The following ZNF346 variants were observed in gnomAD, a reference collection of about 807,000 sequenced individuals.
ZNF346 encodes the protein double-stranded RNA-binding zinc finger protein JAZ.
Under a neutral mutation model 33.7 loss-of-function variants are expected in ZNF346, and 23 were observed. The ratio of observed to expected loss-of-function variants is 0.68; its 90% CI spans 0.49 to 0.97. The LOEUF is 0.97. Ranked by LOEUF, ZNF346 falls within the 50% of genes least tolerant of loss-of-function variation. The probability of loss-of-function intolerance (pLI) is 0.00; values close to 1 mark genes in which losing one functional copy is unlikely to be tolerated. For synonymous variants in ZNF346, 134 were observed against 142.4 expected (o/e 0.94, Z 0.42); for missense variants, 340 against 371.1 (o/e 0.92, Z 0.69).
chr5:177,023,836 C>T (rs2456181), intron 1 of ZNF346, among the ~76,000 whole-genome samples: 6 of 151,768 alleles, frequency 4.0e-5, no homozygotes, highest in Admixed American at 1.3e-4. Context: ...GACTTGTCTT[C>T]GAAAGTTTAA....
At chr5:177,074,390 C>T (rs953802941) in intron 8 of ZNF346, among the ~76,000 whole-genome samples, 1 of 152,214 alleles carries the variant, frequency 6.6e-6, no homozygotes, top group African/African-American at 2.4e-5. Flanking sequence ...TAGTGGCCTT[C>T]TTTGTCACTT....
chr5:177,044,571 T>G (rs748386547), intron 4 of ZNF346, 38 bp downstream of exon 4: 1 of 1,609,224 alleles, frequency 6.2e-7, no homozygotes, highest in East Asian at 2.2e-5. Context: ...GTGGGACCCC[T>G]GCCGTCCTCA....
chr5:177,029,686 G>T (rs895253451), intron 1 of ZNF346, among the ~76,000 whole-genome samples: 4 of 152,206 alleles, frequency 2.6e-5, no homozygotes, highest in Non-Finnish European at 5.9e-5. Context: ...ACAAGTAGGC[G>T]GTTTGACCTT....
In ZNF346 at chr5:177,066,599, G is replaced by A. The variant is rs1037732647; in HGVS notation, c.*2000G>A. 3.3e-5 allele frequency among the ~76,000 whole-genome samples: 5 copies of A among 151,994 alleles called. No homozygotes were observed. The highest frequency in any genetic ancestry group is 1.2e-4 in the African/African-American group (5 of 41,370). ...AAGGAGTGTTATGGCCAGGTGCGGC[G>A]TCATGCACCTATAGTCCCAGCTGCT... On this transcript the variant is annotated 3_prime_UTR_variant, in exon 7 of 7. Coordinates refer to ENST00000358149, the MANE Select transcript of ZNF346 (RefSeq NM_012279.4).
chr5:177,078,096 G>A (rs1472435887), intron 8 of ZNF346, among the ~76,000 whole-genome samples: 1 of 152,156 alleles, frequency 6.6e-6, no homozygotes, highest in East Asian at 1.9e-4. Flanking sequence ...GCAGTGAGCT[G>A]AGATTGCACC....
chr5:177,034,744 A>G (rs1327155531), intron 1 of ZNF346, among the ~76,000 whole-genome samples: 2 of 152,264 alleles, frequency 1.3e-5, no homozygotes, highest in African/African-American at 4.8e-5. Flanking sequence ...GAAATGCAGT[A>G]AAGACCATAC....
intron 5 of ZNF346, among the ~76,000 whole-genome samples, chr5:177,060,666 G>A (rs1204456024): frequency 6.6e-6 from 1 of 152,118 alleles, no homozygotes; most frequent in Non-Finnish European, 1.5e-5. Context: ...AGAAAAATTA[G>A]GCATGGTGGC....
intron 5 of ZNF346, among the ~76,000 whole-genome samples, chr5:177,053,961 G>T (rs1781321852): frequency 6.6e-6 from 1 of 152,148 alleles, no homozygotes; most frequent in Admixed American, 6.5e-5. Context: ...ACAGTGTGGT[G>T]AACAAAGGGA....
chr5:177,080,970 C>A (rs374596696), exon 9 of ZNF346: 1 of 152,016 alleles, frequency 6.6e-6, no homozygotes, highest in African/African-American at 2.4e-5. Context: ...AGGCCAGGTG[C>A]GGTGGCTCAA....
intron 3 of ZNF346, among the ~76,000 whole-genome samples, chr5:177,043,607 A>T (rs1194322566): frequency 1.3e-5 from 2 of 152,148 alleles, no homozygotes; most frequent in African/African-American, 4.8e-5. Flanking sequence ...CTCTATAAAA[A>T]ATACAAAAAT....
chr5:177,073,872 T>C (rs1783623418), intron 8 of ZNF346, among the ~76,000 whole-genome samples: 1 of 152,010 alleles, frequency 6.6e-6, no homozygotes, highest in Admixed American at 6.6e-5. Flanking sequence ...GAACTAGTCT[T>C]GTGAGTTGCT....
intron 5 of ZNF346, among the ~76,000 whole-genome samples, chr5:177,058,602 A>G (rs1380524219): frequency 1.3e-5 from 2 of 152,190 alleles, no homozygotes; most frequent in Admixed American, 6.5e-5. Context: ...TGACCACTTC[A>G]CAAATAAAGA....
Position 177,066,105 on chromosome 5 carries a change from G to A in ZNF346, c.*1506G>A, listed in dbSNP as rs59157655. 0.13 allele frequency: 18,602 copies of A among 147,778 alleles called. 2,808 individuals are homozygous for A. The highest frequency in any genetic ancestry group is 0.36 in the African/African-American group (14,281 of 39,334). The allele number at this position is 147,778 out of a possible 1,614,324, so 9.2% of individuals were successfully genotyped here. A position where few individuals can be genotyped will look rare whatever the true frequency, so the allele number is the denominator to read the frequency against. Reference sequence around the variant, plus strand: ...TCACTTTAGGAGTTGGGACAGAGTCGAGCACCCTGTGAAAGTCTCCCTTGA... The same window carrying A: ...TCACTTTAGGAGTTGGGACAGAGTCAAGCACCCTGTGAAAGTCTCCCTTGA... On this transcript the variant is annotated 3_prime_UTR_variant, in exon 7 of 7. Coordinates refer to ENST00000358149, the MANE Select transcript of ZNF346 (RefSeq NM_012279.4).
intron 1 of ZNF346, among the ~76,000 whole-genome samples, chr5:177,025,238 C>T (rs1581767362): frequency 6.6e-6 from 1 of 152,154 alleles, no homozygotes; most frequent in Admixed American, 6.6e-5. Flanking sequence ...TGTATTAGTA[C>T]TTCATTCCTT....
chr5:177,023,203 C>A lies in ZNF346; in HGVS notation c.175+290C>A, dbSNP rs544112812. On this transcript the variant is annotated intron_variant, in intron 1 of 6. Transcript: ENST00000358149. Reference sequence around the variant, plus strand: ...CGAGGACTGTCATCCCTATACTCGTCCTGTCGGAGACCTACAGTCTTTGCC... The same window carrying A: ...CGAGGACTGTCATCCCTATACTCGTACTGTCGGAGACCTACAGTCTTTGCC... 13 of 1,536,676 alleles carry A rather than the reference C, an allele frequency of 8.5e-6. No homozygotes were observed. The South Asian group carries it at 1.3e-4, about 15-fold the overall frequency.
chr5:177,048,945 C>G (rs1344659419), intron 4 of ZNF346, among the ~76,000 whole-genome samples: 1 of 151,842 alleles, frequency 6.6e-6, no homozygotes, highest in East Asian at 1.9e-4. Flanking sequence ...CTACCACACC[C>G]AGCTAATTTT....
At chr5:177,029,822 C>T (rs1777406903) in intron 1 of ZNF346, among the ~76,000 whole-genome samples, 2 of 152,100 alleles carry the variant, frequency 1.3e-5, no homozygotes, top group South Asian at 2.1e-4. Flanking sequence ...ATGGAAACCT[C>T]GATTTATAGC....
At chr5:177,054,798 C>G (rs1280912709) in intron 5 of ZNF346, among the ~76,000 whole-genome samples, 1 of 152,058 alleles carries the variant, frequency 6.6e-6, no homozygotes, top group East Asian at 1.9e-4. Flanking sequence ...GGTGGCGGGA[C>G]TACTGTAATG....
chr5:177,024,029 CAG>C (rs1247223530), intron 1 of ZNF346, among the ~76,000 whole-genome samples: 1 of 148,142 alleles, frequency 6.8e-6, no homozygotes, highest in Non-Finnish European at 1.5e-5. Context: ...AAGAAGGAGA[CAG>C]GGCCCCAGAA....
Sources: gnomAD v4.1 joint callset for allele counts (sites outside exome capture counted in the v4.1 genomes callset) on GRCh38, gnomAD v4.1.1 for gene constraint, MANE v1.5 for transcripts, NCBI Gene and HGNC (gene_info 2026-07-23, HGNC 2026-07-21) for gene names.